Variants in SPOCK1 observed in about 807,000 individuals in gnomAD.
SPOCK1 encodes the protein testican-1.
A neutral mutation model predicts 55.3 loss-of-function variants in SPOCK1; 23 were observed. The observed-to-expected ratio is 0.42, with a 90% CI of 0.30 to 0.59. SPOCK1 has a LOEUF of 0.59. Among genes scored for constraint, SPOCK1 ranks in the 20% least tolerant of loss-of-function variants. The pLI, the probability that SPOCK1 is intolerant of heterozygous loss-of-function variation, is 0.22. For synonymous variants in SPOCK1, 226 were observed against 221.0 expected, an observed-to-expected ratio of 1.02 and a Z score of -0.20; for missense variants, 499 against 552.5, an observed-to-expected ratio of 0.90 and a Z score of 0.97.
At position 137,189,279 on chromosome 5, in the gene SPOCK1, C is replaced by T. The variant is rs189660496; in HGVS notation, c.233-48585G>A. ...GGAAGAAGAAGCCATGTTGGACTTT[C>T]ATAGCTAGAAAGGAGAAGTCAATGC... On this transcript the variant is annotated intron_variant, in intron 3 of 10. Transcript: ENST00000394945. Among the ~76,000 whole-genome samples, 441 of 152,320 alleles carry T rather than the reference C, an allele frequency of 2.9e-3. 2 individuals carry two copies. Among genetic ancestry groups the T allele is most frequent in the African/African-American group, 6.0e-3 (249 of 41,574 alleles).
intron 5 of SPOCK1, among the ~76,000 whole-genome samples, chr5:137,089,902 G>C (rs1753024120): frequency 6.6e-6 from 1 of 152,062 alleles, no homozygotes; most frequent in South Asian, 2.1e-4. Flanking sequence ...TAAAGAAAAG[G>C]GCCTCTTCTG....
chr5:137,210,903 T>C (rs1755600498), intron 3 of SPOCK1, among the ~76,000 whole-genome samples: 2 of 152,278 alleles, frequency 1.3e-5, no homozygotes, highest in South Asian at 4.1e-4. Context: ...AATTCTAAGG[T>C]TGTTCATTCC....
intron 2 of SPOCK1, among the ~76,000 whole-genome samples, chr5:137,280,969 A>T (rs1289194391): frequency 6.6e-6 from 1 of 152,208 alleles, no homozygotes; most frequent in African/African-American, 2.4e-5. Flanking sequence ...CACTGTAAGA[A>T]GAAGAGAAGG....
intron 2 of SPOCK1, among the ~76,000 whole-genome samples, chr5:137,389,592 C>A (rs1235787764): frequency 6.6e-6 from 1 of 152,228 alleles, no homozygotes; most frequent in Non-Finnish European, 1.5e-5. Context: ...TTCCACAGAG[C>A]ACTTGCAGGT....
At chr5:137,400,168 G>A (rs891595164) in intron 2 of SPOCK1, among the ~76,000 whole-genome samples, 4 of 152,116 alleles carry the variant, frequency 2.6e-5, no homozygotes, top group South Asian at 2.1e-4. Context: ...ATAAGGTTGC[G>A]ATCACTGTAG....
At chr5:137,437,841 C>T (rs908575788) in intron 2 of SPOCK1, among the ~76,000 whole-genome samples, 1 of 152,062 alleles carries the variant, frequency 6.6e-6, no homozygotes, top group African/African-American at 2.4e-5. Flanking sequence ...AAGTCGATTC[C>T]CTGAAGCCAA....
At chr5:137,347,379 A>G (rs981052145) in intron 2 of SPOCK1, among the ~76,000 whole-genome samples, 1 of 152,116 alleles carries the variant, frequency 6.6e-6, no homozygotes, top group Non-Finnish European at 1.5e-5. Flanking sequence ...GTGAGATCTC[A>G]CACAACCACC....
intron 5 of SPOCK1, among the ~76,000 whole-genome samples, chr5:137,095,956 C>T (rs1240792994): frequency 7.6e-6 from 1 of 131,998 alleles, no homozygotes; most frequent in Non-Finnish European, 1.6e-5. Context: ...CTTCTAATAG[C>T]ACAGAAGAAT....
At chr5:137,229,345 A>T (rs915212801) in intron 3 of SPOCK1, among the ~76,000 whole-genome samples, 1 of 152,206 alleles carries the variant, frequency 6.6e-6, no homozygotes, top group African/African-American at 2.4e-5. Context: ...TCCCTAGCTC[A>T]TAAAAACAAA....
intron 2 of SPOCK1, among the ~76,000 whole-genome samples, chr5:137,337,194 A>C (rs1415967389): frequency 6.6e-6 from 1 of 152,210 alleles, no homozygotes; most frequent in East Asian, 1.9e-4. Context: ...AGAAGCAAAA[A>C]AGTACAGTGT....
chr5:137,232,997 C>T (rs1212264517), intron 3 of SPOCK1, among the ~76,000 whole-genome samples: 1 of 152,174 alleles, frequency 6.6e-6, no homozygotes, highest in East Asian at 1.9e-4. Flanking sequence ...TAATCCCAGT[C>T]CTGCTCATTG....
At chr5:137,122,305 A>C (rs1753702678) in intron 4 of SPOCK1, among the ~76,000 whole-genome samples, 1 of 151,896 alleles carries the variant, frequency 6.6e-6, no homozygotes, top group Non-Finnish European at 1.5e-5. Context: ...GCTCTGACTA[A>C]AATTCTGCTT....
At chr5:137,120,819 C>A (rs1007748273) in intron 4 of SPOCK1, among the ~76,000 whole-genome samples, 3 of 152,146 alleles carry the variant, frequency 2.0e-5, no homozygotes, top group African/African-American at 7.2e-5. Flanking sequence ...CACCTGCCCG[C>A]CAGTCTCGCA....
At chr5:136,996,371 C>G (rs1189083206) in intron 6 of SPOCK1, among the ~76,000 whole-genome samples, 1 of 152,194 alleles carries the variant, frequency 6.6e-6, no homozygotes, top group East Asian at 1.9e-4. Flanking sequence ...CAGCATCAGA[C>G]TCTTCAGAGG....
intron 6 of SPOCK1, among the ~76,000 whole-genome samples, chr5:137,051,478 A>C: frequency 6.6e-6 from 1 of 152,244 alleles, no homozygotes; most frequent in Non-Finnish European, 1.5e-5. Context: ...ATAGAAACAT[A>C]GGTGAAATTT....
chr5:137,225,048 T>C (rs968875503), intron 3 of SPOCK1, among the ~76,000 whole-genome samples: 1 of 152,164 alleles, frequency 6.6e-6, no homozygotes, highest in Admixed American at 6.5e-5. Context: ...ATGAAAGCCC[T>C]TCATGTTCAA....
chr5:137,230,774 C>A (rs60141159), intron 3 of SPOCK1, among the ~76,000 whole-genome samples: 4,943 of 150,114 alleles, frequency 0.033, 349 homozygotes, highest in African/African-American at 0.12. Flanking sequence ...GATTCATATG[C>A]AGTTGTAAGA....
chr5:137,160,443 G>A (rs1754507038), intron 3 of SPOCK1, among the ~76,000 whole-genome samples: 11 of 116,730 alleles, frequency 9.4e-5, no homozygotes, highest in Admixed American at 1.1e-4. Context: ...ATTATATGTT[G>A]TATATATATA....
At chr5:137,477,754 A>ACCC (rs1308963542) in intron 2 of SPOCK1, among the ~76,000 whole-genome samples, 11 of 152,216 alleles carry the variant, frequency 7.2e-5, no homozygotes, top group Admixed American at 5.9e-4. Context: ...GCTAAGCTCC[A>ACCC]CATGTCAGCT....
Sources: gnomAD v4.1 joint callset for allele counts (sites outside exome capture counted in the v4.1 genomes callset) on GRCh38, gnomAD v4.1.1 for gene constraint, MANE v1.5 for transcripts, NCBI Gene and HGNC (gene_info 2026-07-23, HGNC 2026-07-21) for gene names.